PALS1: variants seen among roughly 807,000 people sequenced by gnomAD.
PALS1 encodes protein PALS1.
Under a neutral mutation model 78.9 loss-of-function variants are expected in PALS1, and 31 were observed. The observed-to-expected ratio is 0.39, with a 90% CI of 0.30 to 0.53. The LOEUF (loss-of-function observed/expected upper bound fraction) is 0.53. Among genes scored for constraint, PALS1 ranks in the 20% least tolerant of loss-of-function variants. The pLI, the probability that PALS1 is intolerant of heterozygous loss-of-function variation, is 0.67. For synonymous variants in PALS1, 276 were observed against 270.9 expected (o/e 1.02, Z -0.18); for missense variants, 704 against 826.5 (o/e 0.85, Z 1.82).
intron 1 of PALS1, among the ~76,000 whole-genome samples, chr14:67,242,148 T>C (rs1048068148): frequency 6.6e-6 from 1 of 152,246 alleles, no homozygotes; most frequent in Non-Finnish European, 1.5e-5. Context: ...TAATGAAGTT[T>C]GCTTTAAACG....
chr14:67,248,355 T>C (rs2140425402), intron 1 of PALS1, among the ~76,000 whole-genome samples: 1 of 147,186 alleles, frequency 6.8e-6, no homozygotes, highest in Admixed American at 6.8e-5. Context: ...TCTCTTTTCT[T>C]AAAAAAAAAA....
chr14:67,258,967 C>T (rs1414143512), intron 1 of PALS1, among the ~76,000 whole-genome samples: 1 of 151,820 alleles, frequency 6.6e-6, no homozygotes, highest in African/African-American at 2.4e-5. Flanking sequence ...CTCACCCTCC[C>T]GAGTAGCTGG....
intron 3 of PALS1, among the ~76,000 whole-genome samples, chr14:67,287,420 C>A (rs942965463): frequency 6.6e-6 from 1 of 151,740 alleles, no homozygotes; most frequent in South Asian, 2.1e-4. Flanking sequence ...CAGTTAAATT[C>A]TACTTATTAA....
Position 67,323,695 on chromosome 14 carries a change from T to A in PALS1, c.1741-7T>A, listed in dbSNP as rs1566580639. The A allele has an allele frequency of 7.1e-7, 1 of 1,399,862 alleles. No individual in the cohort carries two copies. The highest frequency in any genetic ancestry group is 1.3e-5 in the South Asian group (1 of 79,008). 86.7% of individuals were successfully genotyped at this position (1,399,862 alleles called of 1,614,324 possible). A position where few individuals can be genotyped will look rare whatever the true frequency, so the allele number is the denominator to read the frequency against. On this transcript the variant is annotated splice_polypyrimidine_tract_variant and splice_region_variant and intron_variant, in intron 13 of 14. Coordinates refer to ENST00000261681, the MANE Select transcript of PALS1 (RefSeq NM_022474.4). ...ATTATTTTAAAAATCAAAATGTCTC[T>A]TTACAGTCATTGAAGACTCTCCGGA...
intron 1 of PALS1, among the ~76,000 whole-genome samples, chr14:67,250,777 G>A (rs772487601): frequency 7.2e-5 from 11 of 152,170 alleles, no homozygotes; most frequent in Non-Finnish European, 7.4e-5. Flanking sequence ...CATAGTTTTT[G>A]TAGGCATCCT....
intron 11 of PALS1, 106 bp from the exon 12 acceptor site, chr14:67,320,124 A>C (rs1362032846): frequency 4.2e-6 from 4 of 962,432 alleles, no homozygotes; most frequent in Non-Finnish European, 6.0e-6. Context: ...ATGTAATGAC[A>C]ATAAATTGTG....
chr14:67,308,330 T>C (rs1357517491), intron 8 of PALS1, among the ~76,000 whole-genome samples: 1 of 143,962 alleles, frequency 6.9e-6, no homozygotes, highest in Admixed American at 6.9e-5. Context: ...TTTTTTTTTC[T>C]TTTTTTTCTC....
intron 2 of PALS1, among the ~76,000 whole-genome samples, chr14:67,272,784 G>C (rs1022748802): frequency 6.6e-6 from 1 of 152,030 alleles, no homozygotes; most frequent in Admixed American, 6.6e-5. Flanking sequence ...TCAGCTTCCC[G>C]AGTAGCTGGG....
intron 4 of PALS1, chr14:67,295,104 A>AT (rs1555336708): frequency 7.2e-6 from 1 of 138,012 alleles, no homozygotes; most frequent in Non-Finnish European, 1.5e-5. Context: ...GAGATATTGA[A>AT]GTGTGTGTGT....
chr14:67,324,861 T>G (rs115036461), intron 14 of PALS1, among the ~76,000 whole-genome samples: 1 of 151,280 alleles, frequency 6.6e-6, no homozygotes, highest in Non-Finnish European at 1.5e-5. Flanking sequence ...AGTTCTTGGA[T>G]TGCAGGTGTA....
At chr14:67,263,102 T>C (rs962359551) in intron 1 of PALS1, among the ~76,000 whole-genome samples, 2 of 152,178 alleles carry the variant, frequency 1.3e-5, no homozygotes, top group Non-Finnish European at 2.9e-5. Context: ...CATGAGCGTG[T>C]GGTCTTGAAT....
At chr14:67,261,289 A>T (rs1351889709) in intron 1 of PALS1, among the ~76,000 whole-genome samples, 3 of 152,206 alleles carry the variant, frequency 2.0e-5, no homozygotes, top group Non-Finnish European at 4.4e-5. Flanking sequence ...AGAGAAACTC[A>T]TAGAAAAGTT....
At chr14:67,298,830 C>A (rs1014815485) in intron 4 of PALS1, among the ~76,000 whole-genome samples, 2 of 152,332 alleles carry the variant, frequency 1.3e-5, no homozygotes, top group Admixed American at 1.3e-4. Context: ...TGACAATCAC[C>A]TCTTTCAATC....
At chr14:67,312,793 C>A in intron 9 of PALS1, 83 bp downstream of exon 9, 1 of 1,073,196 alleles carries the variant, frequency 9.3e-7, no homozygotes, top group Non-Finnish European at 1.3e-6. Context: ...CTCACTCTTT[C>A]ATGCCTCTAT....
chr14:67,289,557 A>G (rs1051596777), intron 3 of PALS1, among the ~76,000 whole-genome samples: 2 of 152,142 alleles, frequency 1.3e-5, no homozygotes, highest in African/African-American at 2.4e-5. Context: ...AAATATATAT[A>G]TGTTTGAAAG....
chr14:67,264,268 A>G (rs1450394360), intron 1 of PALS1, among the ~76,000 whole-genome samples: 1 of 152,216 alleles, frequency 6.6e-6, no homozygotes, highest in Non-Finnish European at 1.5e-5. Context: ...AGAATTGTTT[A>G]AAGATTAAGT....
intron 3 of PALS1, chr14:67,279,754 A>C: frequency 9.5e-6 from 4 of 421,938 alleles, no homozygotes; most frequent in Non-Finnish European, 4.1e-6. Context: ...AGTCACTATA[A>C]CATGTTTTTT....
intron 14 of PALS1, among the ~76,000 whole-genome samples, chr14:67,325,979 CTTT>C (rs61592505): frequency 9.1e-6 from 1 of 110,216 alleles, no homozygotes; most frequent in East Asian, 2.6e-4. Flanking sequence ...CGGCTCTTTT[CTTT>C]TTTTTTTTTT....
At chr14:67,317,069 T>C (rs2085187371) in intron 10 of PALS1, among the ~76,000 whole-genome samples, 166 bp downstream of exon 10, 1 of 152,234 alleles carries the variant, frequency 6.6e-6, no homozygotes, top group African/African-American at 2.4e-5. Context: ...ATTTAAGTAT[T>C]AAAGATTATC....
Sources: allele counts gnomAD v4.1 joint callset (sites outside exome capture counted in the v4.1 genomes callset), GRCh38; gene constraint gnomAD v4.1.1; transcripts MANE v1.5; gene names NCBI Gene and HGNC (gene_info 2026-07-23, HGNC 2026-07-21).